Variants in ST6GALNAC5 observed in about 807,000 individuals in gnomAD.
The protein encoded by ST6GALNAC5 is ST6 N-acetylgalactosaminide alpha-2,6-sialyltransferase 5.
Under a neutral mutation model 33.6 loss-of-function variants are expected in ST6GALNAC5, and 27 were observed. The ratio of observed to expected loss-of-function variants is 0.80; its 90% CI spans 0.59 to 1.11. The LOEUF is 1.11. Among genes scored for constraint, ST6GALNAC5 ranks in the 50% least tolerant of loss-of-function variants. ST6GALNAC5 has a pLI of 0.00. For missense variants in ST6GALNAC5, 428 were observed against 454.0 expected, an observed-to-expected ratio of 0.94 and a Z score of 0.52; for synonymous variants, 194 against 171.2, an observed-to-expected ratio of 1.13 and a Z score of -1.04.
chr1:77,015,295 A>T (rs1650788368), intron 2 of ST6GALNAC5, among the ~76,000 whole-genome samples: 1 of 152,190 alleles, frequency 6.6e-6, no homozygotes, highest in South Asian at 2.1e-4. Flanking sequence ...GCAGAAAAAC[A>T]GGTTGTTAAT....
intron 2 of ST6GALNAC5, among the ~76,000 whole-genome samples, chr1:76,905,769 C>T (rs187151934): frequency 6.6e-6 from 1 of 152,214 alleles, no homozygotes; most frequent in East Asian, 1.9e-4. Flanking sequence ...AAATAGGGTT[C>T]CATGTATAAA....
chr1:76,923,328 C>T (rs1647053383), intron 2 of ST6GALNAC5, among the ~76,000 whole-genome samples: 1 of 151,090 alleles, frequency 6.6e-6, no homozygotes, highest in East Asian at 1.9e-4. Context: ...AGAATGGAGA[C>T]TTACAGCCAT....
intron 2 of ST6GALNAC5, among the ~76,000 whole-genome samples, chr1:76,994,051 A>T (rs1362244337): frequency 6.6e-6 from 1 of 152,234 alleles, no homozygotes; most frequent in Non-Finnish European, 1.5e-5. Flanking sequence ...CAATGTCATT[A>T]TAAATATATT....
At chr1:76,995,215 T>G (rs1276638679) in intron 2 of ST6GALNAC5, among the ~76,000 whole-genome samples, 2 of 152,128 alleles carry the variant, frequency 1.3e-5, no homozygotes, top group Non-Finnish European at 2.9e-5. Context: ...TTGGGCAACA[T>G]AGCAAGACCT....
chr1:76,899,809 G>C (rs1038090382), intron 2 of ST6GALNAC5, among the ~76,000 whole-genome samples: 4 of 152,186 alleles, frequency 2.6e-5, no homozygotes, highest in Non-Finnish European at 4.4e-5. Flanking sequence ...TTGGAGAAGA[G>C]AGTAAAAAAG....
intron 4 of ST6GALNAC5, among the ~76,000 whole-genome samples, chr1:77,062,272 T>C (rs947120035): frequency 3.3e-5 from 5 of 152,114 alleles, no homozygotes; most frequent in African/African-American, 1.2e-4. Context: ...CAGCAATTGA[T>C]GCTATAAAGA....
chr1:76,957,122 T>A (rs1277118058), intron 2 of ST6GALNAC5, among the ~76,000 whole-genome samples: 3 of 152,206 alleles, frequency 2.0e-5, no homozygotes, highest in Non-Finnish European at 4.4e-5. Flanking sequence ...TATAACAAAT[T>A]ACCACAGACT....
intron 2 of ST6GALNAC5, among the ~76,000 whole-genome samples, chr1:76,931,864 T>A (rs1647144902): frequency 6.6e-6 from 1 of 151,888 alleles, no homozygotes; most frequent in Non-Finnish European, 1.5e-5. Flanking sequence ...GTAACAACAT[T>A]TAAGGATCAT....
intron 2 of ST6GALNAC5, among the ~76,000 whole-genome samples, chr1:76,936,953 GGTGTGTGTGTGT>G (rs34309736): frequency 4.3e-5 from 6 of 140,042 alleles, no homozygotes; most frequent in East Asian, 2.1e-4. Context: ...AGAGAAGCAG[GGTGTGTGTGTGT>G]GTGTGTGTGT....
intron 2 of ST6GALNAC5, among the ~76,000 whole-genome samples, chr1:76,871,093 T>C (rs776244280): frequency 9.2e-5 from 14 of 152,228 alleles, no homozygotes; most frequent in Non-Finnish European, 1.9e-4. Flanking sequence ...TTTAATTAGG[T>C]TTATTTGATA....
chr1:76,969,497 C>A (rs1168366880), intron 2 of ST6GALNAC5, among the ~76,000 whole-genome samples: 2 of 152,182 alleles, frequency 1.3e-5, no homozygotes, highest in African/African-American at 4.8e-5. Context: ...CATTACTGAG[C>A]CTTCAGTAGG....
intron 2 of ST6GALNAC5, among the ~76,000 whole-genome samples, chr1:76,969,454 A>G (rs537617437): frequency 6.6e-6 from 1 of 152,184 alleles, no homozygotes; most frequent in African/African-American, 2.4e-5. Flanking sequence ...TCAACCTGCA[A>G]GGCAGTAGCC....
chr1:76,946,165 T>C (rs1008597603), intron 2 of ST6GALNAC5, among the ~76,000 whole-genome samples: 1 of 151,872 alleles, frequency 6.6e-6, no homozygotes, highest in Non-Finnish European at 1.5e-5. Context: ...ACCTACCATA[T>C]GAAAAAAAAG....
In ST6GALNAC5 at chr1:77,042,066, G is replaced by A. The variant is rs376023647; in HGVS notation, c.262-2138G>A. ...ATTTCAACACTGCCACCGCCTTACAGTGTGATCTTGAGCAAACTGCTTCAT... is the reference window on the plus strand; with the variant it reads ...ATTTCAACACTGCCACCGCCTTACAATGTGATCTTGAGCAAACTGCTTCAT... On this transcript the variant is annotated intron_variant, in intron 2 of 4. Transcript: ENST00000477717. Among the ~76,000 whole-genome samples, 18 of 152,284 alleles carry A rather than the reference G, an allele frequency of 1.2e-4. 2 individuals carry two copies. The highest frequency in any genetic ancestry group is 7.8e-4 in the Admixed American group (12 of 15,298).
chr1:76,903,786 A>G (rs1315034751), intron 2 of ST6GALNAC5, among the ~76,000 whole-genome samples: 1 of 152,226 alleles, frequency 6.6e-6, no homozygotes, highest in Non-Finnish European at 1.5e-5. Context: ...CCATGAAACT[A>G]TTAAGCTAAG....
At chr1:76,907,083 A>G (rs1646870546) in intron 2 of ST6GALNAC5, among the ~76,000 whole-genome samples, 1 of 152,058 alleles carries the variant, frequency 6.6e-6, no homozygotes, top group South Asian at 2.1e-4. Flanking sequence ...GACCACTATC[A>G]TTCTACCACT....
chr1:77,045,451 C>A (rs1651976456), intron 3 of ST6GALNAC5, among the ~76,000 whole-genome samples: 1 of 152,150 alleles, frequency 6.6e-6, no homozygotes, highest in Non-Finnish European at 1.5e-5. Context: ...TTGCACAATC[C>A]TGTGAATGTA....
At chr1:77,051,543 G>A (rs917587523) in intron 4 of ST6GALNAC5, among the ~76,000 whole-genome samples, 10 of 152,172 alleles carry the variant, frequency 6.6e-5, no homozygotes, top group Admixed American at 3.3e-4. Flanking sequence ...ACGTGGATGT[G>A]ATAGTAATAG....
chr1:76,969,676 T>C (rs1648657655), intron 2 of ST6GALNAC5, among the ~76,000 whole-genome samples: 1 of 152,084 alleles, frequency 6.6e-6, no homozygotes, highest in African/African-American at 2.4e-5. Context: ...AGAGCAGTGG[T>C]TCTCCCAGCA....
Sources: allele counts gnomAD v4.1 joint callset (sites outside exome capture counted in the v4.1 genomes callset), GRCh38; gene constraint gnomAD v4.1.1; transcripts MANE v1.5; gene names NCBI Gene and HGNC (gene_info 2026-07-23, HGNC 2026-07-21).